The following SEMA3F variants were observed in gnomAD, a reference collection of about 807,000 sequenced individuals.
SEMA3F encodes the protein semaphorin 3F.
A neutral mutation model predicts 98.5 loss-of-function variants in SEMA3F; 30 were observed. The ratio of observed to expected loss-of-function variants is 0.30; its 90% CI spans 0.23 to 0.41. The LOEUF (loss-of-function observed/expected upper bound fraction) is 0.41, where lower values mean the gene tolerates loss of function less well. SEMA3F is among the 10% of genes least tolerant of loss of function. The pLI is 1.00. For synonymous variants in SEMA3F, 380 were observed against 444.8 expected (o/e 0.85, Z 1.83); for missense variants, 866 against 1,119.3 (o/e 0.77, Z 3.23).
chr3:50,182,750 C>T lies in SEMA3F; in HGVS notation c.870C>T (p.Pro290=), dbSNP rs773210719. 6 of 1,613,238 alleles carry T rather than the reference C, an allele frequency of 3.7e-6. No homozygotes were observed. Among genetic ancestry groups the T allele is most frequent in the Non-Finnish European group, 5.1e-6 (6 of 1,180,022 alleles). ...RERSAEAPQS[P]AVYARIGRIC... Reference sequence around the variant, plus strand: ...GGTCGGCAGAGGCGCCGCAGAGCCCCGCGGTGTACGCCCGCATCGGGCGCA... The same window carrying T: ...GGTCGGCAGAGGCGCCGCAGAGCCCTGCGGTGTACGCCCGCATCGGGCGCA... Residue 290 remains proline, a synonymous_variant, in exon 9 of 19, where the codon CCC becomes CCT. Transcript: ENST00000002829. The surrounding 1 kb of genome is among the most constrained non-coding windows in gnomAD (Gnocchi z 4.5).
At position 50,184,737 on chromosome 3, in the gene SEMA3F, C is replaced by A; in HGVS notation, c.1379C>A (p.Pro460His). 6.2e-7 allele frequency: 1 copy of A among 1,614,130 alleles called. No homozygotes were observed. The highest frequency in any genetic ancestry group is 8.5e-7 in the Non-Finnish European group (1 of 1,179,984). Residue 460 changes from proline to histidine, a missense_variant, in exon 13 of 19, where the codon CCC becomes CAC. Pro to His is a moderately conservative substitution (Grantham distance 77). Transcript: ENST00000002829. Reference sequence around the variant, plus strand: ...CCCCTGGTAGTCCGCACAGGTGCTCCCTACCGCCTTACCACTATTGCCGTG... The same window carrying A: ...CCCCTGGTAGTCCGCACAGGTGCTCACTACCGCCTTACCACTATTGCCGTG... The part of the protein sequence containing the change: ...RRPLVVRTGA[P>H]YRLTTIAVDQ...
Position 50,182,416 on chromosome 3 carries a change from C to T in SEMA3F, c.763+13C>T, listed in dbSNP as rs772392135. On this transcript the variant is annotated intron_variant, in intron 8 of 18. Transcript: ENST00000002829. This position sits in a 1 kb window ranked among gnomAD's most constrained non-coding sequence, Gnocchi z 4.5. ...CGGTGGCTGAACGGTAAGCGCAGCC[C>T]CAGGAGCCCTTCCGTGGCCATGTGT... The T allele has an allele frequency of 1.9e-6, 3 of 1,613,190 alleles. No homozygotes were observed. The highest frequency in any genetic ancestry group is 1.3e-5 in the African/African-American group (1 of 75,048).
rs1379637177 is a variant in SEMA3F, at chr3:50,181,341, A to G, written c.644-943A>G. ...TTTTTATTTTTGTTCCTGCTTTTTG[A>G]GACGGTTGTCTCACTGTGTCACCAG... On this transcript the variant is annotated intron_variant, in intron 7 of 18. Coordinates refer to ENST00000002829, the MANE Select transcript of SEMA3F (RefSeq NM_004186.5). 8.8e-5 allele frequency among the ~76,000 whole-genome samples: 13 copies of G among 146,944 alleles called. No individual in the cohort carries two copies. In the East Asian group the frequency reaches 2.6e-3, roughly 29 times the overall value.
Position 50,176,765 on chromosome 3 carries a change from C to T in SEMA3F, c.550-3C>T. On this transcript the variant is annotated splice_region_variant and splice_polypyrimidine_tract_variant and intron_variant, in intron 6 of 18. Transcript: ENST00000002829. ...CGATGCTGAGCCCCGCTCTGCCTTA[C>T]AGGATTACATCTTCTACCTGGAGCC... 1.2e-6 allele frequency: 2 copies of T among 1,609,210 alleles called. No individual in the cohort carries two copies. The highest frequency in any genetic ancestry group is 1.1e-5 in the South Asian group (1 of 91,026).
At chr3:50,170,867 C>T (rs1698573099) in intron 2 of SEMA3F, among the ~76,000 whole-genome samples, 3 of 152,136 alleles carry the variant, frequency 2.0e-5, no homozygotes, top group African/African-American at 7.2e-5. Context: ...GACGCCATAT[C>T]CCGTGGCCAC....
chr3:50,162,511 C>G (rs1054888486), intron 2 of SEMA3F, among the ~76,000 whole-genome samples: 2 of 152,184 alleles, frequency 1.3e-5, no homozygotes, highest in Admixed American at 6.5e-5. Flanking sequence ...TGGACAGACC[C>G]TCCTTCCTTC....
chr3:50,176,823 C>T lies in SEMA3F; in HGVS notation c.605C>T (p.Pro202Leu), dbSNP rs745394145. Residue 202 changes from proline (P) to leucine (L), a missense_variant, in exon 7 of 19, where the codon CCG becomes CTG. By Grantham distance (98) the Pro-to-Leu change is moderately conservative (BLOSUM62 -3). Around this residue, in one of 3 missense-constraint regions of SEMA3F, gnomAD observed 374 missense variants for 582.8 expected, o/e 0.64. Coordinates refer to ENST00000002829, the MANE Select transcript of SEMA3F (RefSeq NM_004186.5). ...CTCGAGTCAGGGAAGGGCAAGTGTC[C>T]GTACGATCCCAAGCTGGACACAGCA... ...ERLESGKGKC[P>L]YDPKLDTASA... is the part of the protein sequence containing the mutation. The T allele has an allele frequency of 1.2e-6, 2 of 1,613,730 alleles. No individual in the cohort carries two copies. The highest frequency in any genetic ancestry group is 2.2e-5 in the East Asian group (1 of 44,882).
Position 50,182,695 on chromosome 3 carries a change from A to G in SEMA3F, c.815A>G (p.Asp272Gly). Residue 272 changes from aspartate to glycine, a missense_variant, in exon 9 of 19, where the codon GAT becomes GGT. Asp to Gly is a moderately conservative substitution (Grantham distance 94). This residue lies in a region of SEMA3F where 374 missense variants were observed against 582.8 expected (regional missense o/e 0.64). Coordinates refer to ENST00000002829, the MANE Select transcript of SEMA3F (RefSeq NM_004186.5). This position sits in a 1 kb window ranked among gnomAD's most constrained non-coding sequence, Gnocchi z 4.5. ...ATTCCTGACAGTGCGGAGCGCAATG[A>G]TGATAAGCTTTACTTCTTCTTCCGT... Reference protein sequence around the residue: ...ELIPDSAERNDDKLYFFFRER... With the variant: ...ELIPDSAERNGDKLYFFFRER... 1.2e-6 allele frequency: 2 copies of G among 1,613,702 alleles called. No individual in the cohort carries two copies. Among genetic ancestry groups the G allele is most frequent in the Non-Finnish European group, 1.7e-6 (2 of 1,180,032 alleles).
chr3:50,175,135 G>C lies in SEMA3F; in HGVS notation c.496G>C (p.Gly166Arg), dbSNP rs530528855. The change falls in exon 6 of 19, where the codon GGC becomes CGC. Residue 166 changes from glycine (G) to arginine (R), a missense_variant. Coordinates refer to ENST00000002829, the MANE Select transcript of SEMA3F (RefSeq NM_004186.5). ...CCAGACTCAGGCGGTCAGAGGCCGC[G>C]GCAGCAGAGCCACGGATGGTGCCCT... ...WTQTQAVRGR[G>R]SRATDGALRP... 1.2e-6 allele frequency: 2 copies of C among 1,610,792 alleles called. No individual in the cohort carries two copies. The highest frequency in any genetic ancestry group is 1.7e-5 in the Admixed American group (1 of 59,828).
chr3:50,155,360 CCCGGG>C lies in SEMA3F; in HGVS notation c.-250_-246del. On this transcript the variant is annotated 5_prime_UTR_variant, in exon 1 of 19. It removes the in-frame stop codon of an upstream open reading frame in the 5' UTR. Transcript: ENST00000002829. The surrounding 1 kb of genome is among the most constrained non-coding windows in gnomAD (Gnocchi z 4.9). ...AGCCTTCCCATGGCCCGGGCTGGGG[CCCGGG>C]CCCTCGGCTGCTGACGCGCCCGAAG... is the stretch of plus-strand genomic sequence containing the variant. The C allele has an allele frequency of 3.4e-6, 1 of 294,052 alleles. No individual in the cohort carries two copies. The highest frequency in any genetic ancestry group is 6.2e-6 in the Non-Finnish European group (1 of 161,316). 18.2% of individuals were successfully genotyped at this position (294,052 alleles called of 1,614,324 possible).
At chr3:50,175,353 G>A (rs994606628) in intron 6 of SEMA3F, among the ~76,000 whole-genome samples, 165 bp downstream of exon 6, 16 of 152,192 alleles carry the variant, frequency 1.1e-4, no homozygotes, top group African/African-American at 3.6e-4. Flanking sequence ...CAGAAGGCAT[G>A]CCCAGCTGGA....
At position 50,166,901 on chromosome 3, in the gene SEMA3F, G is replaced by A. The variant is rs1203377238; in HGVS notation, c.113-6892G>A. ...TTTCCGGGCCAGGTCTGGAATGTGG[G>A]AGGAGGAGGTGGGTCCCCCGGGGGC... On this transcript the variant is annotated intron_variant, in intron 2 of 18. Transcript: ENST00000002829. This position sits in a 1 kb window ranked among gnomAD's most constrained non-coding sequence, Gnocchi z 4.7. 6.6e-6 allele frequency among the ~76,000 whole-genome samples: 1 copy of A among 152,166 alleles called. No homozygotes were observed. Among genetic ancestry groups the A allele is most frequent in the Admixed American group, 6.5e-5 (1 of 15,280 alleles).
chr3:50,157,955 A>G (rs1698059224), intron 1 of SEMA3F, among the ~76,000 whole-genome samples: 1 of 152,184 alleles, frequency 6.6e-6, no homozygotes, highest in African/African-American at 2.4e-5. Flanking sequence ...CCAGGACAGT[A>G]TCTCCCAGCT....
At chr3:50,157,580 C>G (rs532202587) in intron 1 of SEMA3F, among the ~76,000 whole-genome samples, 1 of 152,296 alleles carries the variant, frequency 6.6e-6, no homozygotes, top group East Asian at 1.9e-4. Context: ...TTCTTTCCCT[C>G]TCTGTCCTTC....
intron 7 of SEMA3F, among the ~76,000 whole-genome samples, chr3:50,178,726 A>C (rs1281360524): frequency 6.6e-6 from 1 of 151,806 alleles, no homozygotes; most frequent in African/African-American, 2.4e-5. Flanking sequence ...TGGCTCAAAA[A>C]AAAAAAAAAT....
intron 2 of SEMA3F, among the ~76,000 whole-genome samples, chr3:50,167,422 G>C (rs1313594319): frequency 6.6e-6 from 1 of 152,214 alleles, no homozygotes; most frequent in Admixed American, 6.5e-5. Context: ...TGATCCTGCT[G>C]CTCCGTCACT....
intron 12 of SEMA3F, 25 bp downstream of exon 12, chr3:50,183,589 C>T: frequency 3.1e-6 from 5 of 1,610,074 alleles, no homozygotes; most frequent in Non-Finnish European, 4.2e-6. Context: ...CATCCTGCCT[C>T]TCCCCTTTCT....
chr3:50,183,073 CGGGAT>C (rs1284490891), intron 10 of SEMA3F, 55 bp downstream of exon 10: 1 of 1,574,076 alleles, frequency 6.4e-7, no homozygotes, highest in Non-Finnish European at 8.7e-7. Flanking sequence ...GGGATAGAGG[CGGGAT>C]GGGCGATCAG....
At chr3:50,172,146 A>G (rs1698636018) in intron 2 of SEMA3F, among the ~76,000 whole-genome samples, 2 of 152,064 alleles carry the variant, frequency 1.3e-5, no homozygotes, top group Non-Finnish European at 2.9e-5. Flanking sequence ...CACCTGTGAA[A>G]TGGGTTACCA....
Sources: gnomAD v4.1 joint callset for allele counts (sites outside exome capture counted in the v4.1 genomes callset) on GRCh38, gnomAD v4.1.1 for gene constraint, gnomAD v4.1.1 regional missense constraint, Gnocchi (gnomAD v3.1) non-coding constraint, MANE v1.5 for transcripts, NCBI Gene and HGNC (gene_info 2026-07-23, HGNC 2026-07-21) for gene names.